The following DCC variants were observed in gnomAD, a reference collection of about 807,000 sequenced individuals.
The protein encoded by DCC is netrin receptor DCC.
In DCC, 58 loss-of-function variants were observed where a neutral mutation model predicts 172.5. The ratio of observed to expected loss-of-function variants is 0.34; its 90% CI spans 0.27 to 0.42. The LOEUF is 0.42. Ranked by LOEUF, DCC falls within the 10% of genes least tolerant of loss-of-function variation. The pLI is 1.00. For synonymous variants in DCC, 709 were observed against 644.5 expected (o/e 1.10, Z -1.52); for missense variants, 1,740 against 1,791.0 (o/e 0.97, Z 0.51).
chr18:52,357,160 A>G (rs1188851866), intron 1 of DCC, among the ~76,000 whole-genome samples: 2 of 152,166 alleles, frequency 1.3e-5, no homozygotes, highest in Non-Finnish European at 2.9e-5. Context: ...TTTATTCCCC[A>G]AAAATTCATG....
chr18:52,860,600 G>C (rs913183666), intron 2 of DCC, among the ~76,000 whole-genome samples: 1 of 152,214 alleles, frequency 6.6e-6, no homozygotes. Context: ...ATCATGTGTA[G>C]TAAGACCATT....
At chr18:52,391,283 C>T (rs1046753049) in intron 1 of DCC, among the ~76,000 whole-genome samples, 4 of 151,912 alleles carry the variant, frequency 2.6e-5, no homozygotes, top group Non-Finnish European at 5.9e-5. Context: ...TTAGAAGGAC[C>T]CTCAAATGTT....
intron 7 of DCC, among the ~76,000 whole-genome samples, chr18:53,154,652 A>G (rs2054699450): frequency 1.3e-5 from 2 of 152,238 alleles, no homozygotes; most frequent in South Asian, 4.2e-4. Flanking sequence ...TGGAGACGCA[A>G]TAGTGTGGGT....
At chr18:53,069,508 G>T (rs527647486) in intron 7 of DCC, among the ~76,000 whole-genome samples, 151 of 152,200 alleles carry the variant, frequency 9.9e-4, no homozygotes, top group South Asian at 6.9e-3. Context: ...GCTGAGCTAG[G>T]AGGGTGGCGC....
intron 1 of DCC, among the ~76,000 whole-genome samples, chr18:52,606,691 C>A (rs944214869): frequency 1.4e-4 from 22 of 152,114 alleles, no homozygotes; most frequent in African/African-American, 5.3e-4. Context: ...TACTTGATAT[C>A]AATCATTAAG....
chr18:53,411,148 A>T (rs1019575490), intron 20 of DCC, among the ~76,000 whole-genome samples: 2 of 152,004 alleles, frequency 1.3e-5, no homozygotes, highest in African/African-American at 4.8e-5. Flanking sequence ...TTGCAATATG[A>T]TATCTAGAAG....
At chr18:53,133,260 C>G (rs1350326064) in intron 7 of DCC, among the ~76,000 whole-genome samples, 1 of 152,168 alleles carries the variant, frequency 6.6e-6, no homozygotes, top group African/African-American at 2.4e-5. Context: ...CCAGATGAAG[C>G]CTAAAGCTGC....
chr18:52,466,766 G>A (rs1382079428), intron 1 of DCC, among the ~76,000 whole-genome samples: 1 of 152,116 alleles, frequency 6.6e-6, no homozygotes, highest in Admixed American at 6.6e-5. Flanking sequence ...CTAGCCTTTT[G>A]AGTTTCCATG....
intron 25 of DCC, among the ~76,000 whole-genome samples, chr18:53,470,945 C>A (rs182701342): frequency 1.1e-4 from 17 of 152,284 alleles, no homozygotes; most frequent in Admixed American, 7.2e-4. Context: ...TGTTCAGAAA[C>A]TCTAGTTTCA....
chr18:53,015,788 A>C (rs1036151763), intron 5 of DCC, among the ~76,000 whole-genome samples: 1 of 152,126 alleles, frequency 6.6e-6, no homozygotes, highest in African/African-American at 2.4e-5. Context: ...AAATGCACTG[A>C]ACTGAATTTT....
intron 27 of DCC, among the ~76,000 whole-genome samples, chr18:53,508,590 G>GTTTA (rs1044954839): frequency 6.6e-6 from 1 of 152,028 alleles, no homozygotes; most frequent in African/African-American, 2.4e-5. Flanking sequence ...ATAGTTATTT[G>GTTTA]TTTATTTTCT....
At chr18:52,733,152 A>C (rs1180771557) in intron 1 of DCC, among the ~76,000 whole-genome samples, 2 of 152,070 alleles carry the variant, frequency 1.3e-5, no homozygotes, top group South Asian at 2.1e-4. Flanking sequence ...TAGAGTTGTG[A>C]GTTAGTTACT....
chr18:53,182,099 A>G (rs1020943127), intron 9 of DCC, among the ~76,000 whole-genome samples: 3 of 152,226 alleles, frequency 2.0e-5, no homozygotes, highest in African/African-American at 7.2e-5. Context: ...TTGCTTAACA[A>G]TTAGCGTAAA....
At chr18:52,670,501 A>G (rs779461563) in intron 1 of DCC, among the ~76,000 whole-genome samples, 13 of 152,218 alleles carry the variant, frequency 8.5e-5, no homozygotes, top group Non-Finnish European at 1.5e-4. Context: ...TCTCTTTCCT[A>G]TATAGATTCA....
intron 1 of DCC, among the ~76,000 whole-genome samples, chr18:52,623,037 G>A (rs1403561622): frequency 6.6e-6 from 1 of 152,040 alleles, no homozygotes; most frequent in Non-Finnish European, 1.5e-5. Flanking sequence ...CTCTAACCAG[G>A]GATCTGCAAA....
intron 7 of DCC, among the ~76,000 whole-genome samples, chr18:53,146,260 A>T (rs1262662664): frequency 6.6e-6 from 1 of 152,142 alleles, no homozygotes; most frequent in Non-Finnish European, 1.5e-5. Flanking sequence ...AGACTGGGTG[A>T]TTTATGAAAA....
At chr18:52,953,195 TAAAC>T (rs1461441114) in intron 5 of DCC, among the ~76,000 whole-genome samples, 3 of 152,138 alleles carry the variant, frequency 2.0e-5, no homozygotes, top group African/African-American at 7.2e-5. Flanking sequence ...AATGAATTAA[TAAAC>T]AGGTGAGTTA....
chr18:53,128,726 T>A (rs1271444806), intron 7 of DCC, among the ~76,000 whole-genome samples: 1 of 151,372 alleles, frequency 6.6e-6, no homozygotes, highest in Non-Finnish European at 1.5e-5. Context: ...AAAGGAAAAT[T>A]ATACTGGTTT....
chr18:52,449,390 G>C (rs905297045), intron 1 of DCC, among the ~76,000 whole-genome samples: 3 of 152,186 alleles, frequency 2.0e-5, no homozygotes, highest in Admixed American at 1.3e-4. Context: ...CAGTTTCAGG[G>C]ATTTGCAGAT....
Sources: allele counts gnomAD v4.1 joint callset (sites outside exome capture counted in the v4.1 genomes callset), GRCh38; gene constraint gnomAD v4.1.1; transcripts MANE v1.5; gene names NCBI Gene and HGNC (gene_info 2026-07-23, HGNC 2026-07-21).